The following DHX8 variants were observed in gnomAD, a reference collection of about 807,000 sequenced individuals.
DHX8 encodes DEAH-box helicase 8.
Under a neutral mutation model 140.7 loss-of-function variants are expected in DHX8, and 67 were observed. That is an observed-to-expected ratio of 0.48 (90% CI 0.39 to 0.58). The LOEUF (loss-of-function observed/expected upper bound fraction) is 0.58, where lower values mean the gene tolerates loss of function less well. Among genes scored for constraint, DHX8 ranks in the 20% least tolerant of loss-of-function variants. DHX8 has a pLI of 0.00. For synonymous variants in DHX8, 533 were observed against 553.2 expected, an observed-to-expected ratio of 0.96 and a Z score of 0.51; for missense variants, 887 against 1,550.7, an observed-to-expected ratio of 0.57 and a Z score of 7.19.
chr17:43,536,253 C>CA (rs1971238965), intron 2 of DHX8: 1 of 676,816 alleles, frequency 1.5e-6, no homozygotes, highest in Non-Finnish European at 2.7e-6. Flanking sequence ...AAGAACATGT[C>CA]AAGCCCCAGA....
chr17:43,542,670 A>C (rs1387042209), intron 3 of DHX8, among the ~76,000 whole-genome samples: 4 of 151,844 alleles, frequency 2.6e-5, no homozygotes, highest in East Asian at 3.9e-4. Context: ...CCGCACTCAC[A>C]CTCACCCTTC....
chr17:43,530,294 G>C (rs1765998423), downstream of DHX8: 26 of 1,510,350 alleles, frequency 1.7e-5, no homozygotes, highest in Non-Finnish European at 2.2e-5. Flanking sequence ...CTGCTTCCTG[G>C]TGACTGTTCT....
chr17:43,485,968 A>G (rs1968117889), intron 1 of DHX8, among the ~76,000 whole-genome samples: 1 of 152,174 alleles, frequency 6.6e-6, no homozygotes, highest in Admixed American at 6.5e-5. Context: ...AGGCCAAGAC[A>G]GGCCGATCCC....
Position 43,490,380 on chromosome 17 carries a change from TC to T in DHX8, c.235-10del, listed in dbSNP as rs781006664. ...GAGCTGACAATTTTCGTTCTATGTT[TC>T]TTTTCAAAGGATTCTCTTATTAGTA... is the stretch of plus-strand genomic sequence containing the variant. On this transcript the variant is annotated splice_polypyrimidine_tract_variant and intron_variant, in intron 2 of 22. Transcript: ENST00000262415. 6.2e-6 allele frequency: 10 copies of T among 1,611,680 alleles called. No individual in the cohort carries two copies. The African/African-American group carries it at 1.1e-4, about 17-fold the overall frequency.
intron 5 of DHX8, 53 bp downstream of exon 5, chr17:43,492,345 A>G: frequency 2.0e-6 from 3 of 1,487,708 alleles, no homozygotes; most frequent in African/African-American, 1.4e-5. Flanking sequence ...TGACAGTTGA[A>G]TATTATGGAC....
chr17:43,519,268 TTC>T (rs1236377739), intron 18 of DHX8: 1 of 152,216 alleles, frequency 6.6e-6, no homozygotes, highest in Admixed American at 6.5e-5. Context: ...ATTTGTTAGT[TTC>T]TGTTTTTTAA....
At chr17:43,509,864 T>TC (rs1428493958) in intron 16 of DHX8, among the ~76,000 whole-genome samples, 1 of 151,852 alleles carries the variant, frequency 6.6e-6, no homozygotes, top group Non-Finnish European at 1.5e-5. Context: ...AGATGGGGTT[T>TC]CCCCACGTTG....
At chr17:43,525,954 T>C (rs530945942), downstream of DHX8, 4 of 985,376 alleles carry the variant, frequency 4.1e-6, no homozygotes, top group African/African-American at 7.0e-5. Flanking sequence ...CAGGGTTCGT[T>C]ATCTTTTCTG....
chr17:43,528,675 C>T (rs745548127), downstream of DHX8: 7 of 1,614,124 alleles, frequency 4.3e-6, no homozygotes, highest in Admixed American at 1.7e-5. Context: ...GCTGATTGTC[C>T]GGGAAGGCCA....
intron 1 of DHX8, among the ~76,000 whole-genome samples, chr17:43,488,592 C>G (rs1257592965): frequency 6.7e-6 from 1 of 148,442 alleles, no homozygotes; most frequent in African/African-American, 2.5e-5. Flanking sequence ...GCCTGGGCGA[C>G]AGAGCCAGAC....
rs1223239237 is a variant in DHX8, at chr17:43,525,003, AG to A, written c.*1158del. On this transcript the variant is annotated 3_prime_UTR_variant, in exon 23 of 23. Coordinates refer to ENST00000262415, the MANE Select transcript of DHX8 (RefSeq NM_004941.3). ...GAGATGGGTTCCCACTGTGCTGCCC[AG>A]GCTGCTCTCCAATCCCTGGCGTCAA... 3.0e-6 allele frequency: 3 copies of A among 983,670 alleles called. No homozygotes were observed. In the African/African-American group the frequency reaches 5.3e-5, roughly 17 times the overall value. The allele number at this position is 983,670 out of a possible 1,614,324, so 60.9% of individuals were successfully genotyped here.
intron 8 of DHX8, among the ~76,000 whole-genome samples, chr17:43,494,204 C>A (rs766677087): frequency 3.3e-5 from 5 of 152,192 alleles, no homozygotes; most frequent in Non-Finnish European, 7.3e-5. Context: ...GACTTACTCA[C>A]TATCGTGACA....
intron 5 of DHX8, 57 bp downstream of exon 5, chr17:43,492,349 T>C (rs1968572345): frequency 2.7e-6 from 4 of 1,463,538 alleles, no homozygotes; most frequent in Non-Finnish European, 3.8e-6. Flanking sequence ...AGTTGAATAT[T>C]ATGGACCAGC....
At chr17:43,529,200 C>A (rs747429825), downstream of DHX8, 9 of 1,613,900 alleles carry the variant, frequency 5.6e-6, no homozygotes, top group East Asian at 1.3e-4. Context: ...TAATTCATGG[C>A]TGGCCGGTTC....
downstream of DHX8, chr17:43,528,280 A>C (rs1970685756): frequency 2.3e-6 from 1 of 438,394 alleles, no homozygotes; most frequent in Non-Finnish European, 4.0e-6. Flanking sequence ...GAATTCCTCC[A>C]GGGCCCAGGT....
intron 16 of DHX8, among the ~76,000 whole-genome samples, chr17:43,512,258 G>A (rs1037243661): frequency 5.3e-5 from 8 of 151,740 alleles, no homozygotes; most frequent in African/African-American, 1.7e-4. Context: ...ATGGTGACAC[G>A]TGCCTGTAAT....
chr17:43,525,287 T>C lies in DHX8; in HGVS notation c.*1440T>C. 1.0e-6 allele frequency: 1 copy of C among 985,452 alleles called. No individual in the cohort carries two copies. The allele number at this position is 985,452 out of a possible 1,614,324, so 61.0% of individuals were successfully genotyped here. A position where few individuals can be genotyped will look rare whatever the true frequency, so the allele number is the denominator to read the frequency against. Reference sequence around the variant, plus strand: ...GAAGTGATGTAAATGCTAGAACTACTGTAGAACTGTATGCCAGACACTAAG... The same window carrying C: ...GAAGTGATGTAAATGCTAGAACTACCGTAGAACTGTATGCCAGACACTAAG... On this transcript the variant is annotated 3_prime_UTR_variant, in exon 23 of 23. Transcript: ENST00000262415.
At chr17:43,503,582 T>G (rs1004909938) in intron 11 of DHX8, among the ~76,000 whole-genome samples, 1 of 151,956 alleles carries the variant, frequency 6.6e-6, no homozygotes, top group African/African-American at 2.4e-5. Flanking sequence ...GGAGGATTGC[T>G]TGAGCCCAGG....
rs1968438272 is a variant in DHX8, at chr17:43,490,387, A to G, written c.235-4A>G. The G allele has an allele frequency of 1.9e-6, 3 of 1,611,872 alleles. No individual in the cohort carries two copies. The East Asian group carries it at 6.7e-5, about 36-fold the overall frequency. On this transcript the variant is annotated splice_region_variant and splice_polypyrimidine_tract_variant and intron_variant, in intron 2 of 22. Coordinates refer to ENST00000262415, the MANE Select transcript of DHX8 (RefSeq NM_004941.3). ...CAATTTTCGTTCTATGTTTCTTTTC[A>G]AAGGATTCTCTTATTAGTAACTTGC... is the stretch of plus-strand genomic sequence containing the variant.
Sources: allele counts gnomAD v4.1 joint callset (sites outside exome capture counted in the v4.1 genomes callset), GRCh38; gene constraint gnomAD v4.1.1; transcripts MANE v1.5; gene names NCBI Gene and HGNC (gene_info 2026-07-23, HGNC 2026-07-21).